The following ABCC1 variants were observed in gnomAD, a reference collection of about 807,000 sequenced individuals.
The protein encoded by ABCC1 is ATP binding cassette subfamily C member 1 (ABCC1 blood group).
A neutral mutation model predicts 172.9 loss-of-function variants in ABCC1; 83 were observed. That is an observed-to-expected ratio of 0.48 (90% CI 0.40 to 0.58). The LOEUF is 0.58. ABCC1 is among the 20% of genes least tolerant of loss of function. The pLI is 0.00. For missense variants in ABCC1, 1,817 were observed against 2,002.7 expected (o/e 0.91, Z 1.77); for synonymous variants, 937 against 825.2 (o/e 1.14, Z -2.32).
chr16:16,092,609 A>G (rs1295298481), intron 19 of ABCC1, among the ~76,000 whole-genome samples: 1 of 152,096 alleles, frequency 6.6e-6, no homozygotes, highest in Non-Finnish European at 1.5e-5. Flanking sequence ...TACTGTGTTG[A>G]TCTGTTCACT....
At chr16:15,989,856 TAGAC>T (rs1338859345) in intron 1 of ABCC1, among the ~76,000 whole-genome samples, 4 of 152,146 alleles carry the variant, frequency 2.6e-5, no homozygotes, top group African/African-American at 9.7e-5. Flanking sequence ...AGTCCGTGCT[TAGAC>T]AGGGCTCTGG....
rs41278168 is a variant in ABCC1, at chr16:16,124,784, C to T, written c.3591-5C>T. The T allele has an allele frequency of 1.6e-3, 2,593 of 1,613,990 alleles. 5 individuals are homozygous for T. Among genetic ancestry groups the T allele is most frequent in the Non-Finnish European group, 2.0e-3 (2,382 of 1,180,024 alleles). On this transcript the variant is annotated splice_polypyrimidine_tract_variant and splice_region_variant and intron_variant, in intron 24 of 30. Coordinates refer to ENST00000399410, the MANE Select transcript of ABCC1 (RefSeq NM_004996.4). Reference sequence around the variant, plus strand: ...CTGTTTGTCTGCCTGTGTGTCTTGGCGCAGGTGGCTGGCCGTGCGGCTGGA... The same window carrying T: ...CTGTTTGTCTGCCTGTGTGTCTTGGTGCAGGTGGCTGGCCGTGCGGCTGGA...
At chr16:15,987,873 T>G (rs1044638588) in intron 1 of ABCC1, among the ~76,000 whole-genome samples, 2 of 152,206 alleles carry the variant, frequency 1.3e-5, no homozygotes, top group Admixed American at 6.5e-5. Flanking sequence ...TCAGGACCTT[T>G]GCACTGGCTG....
At chr16:16,071,618 C>A (rs769928915) in intron 13 of ABCC1, 24 bp from the exon 14 acceptor site, 9 of 1,606,472 alleles carry the variant, frequency 5.6e-6, no homozygotes, top group Non-Finnish European at 7.7e-6. Flanking sequence ...AAATAACTCT[C>A]CCCTGCCATT....
intron 12 of ABCC1, among the ~76,000 whole-genome samples, chr16:16,059,423 A>G (rs2049810905): frequency 6.6e-6 from 1 of 152,164 alleles, no homozygotes; most frequent in Non-Finnish European, 1.5e-5. Flanking sequence ...GTGTTCCTGT[A>G]AAAAAGTATT....
At position 16,009,780 on chromosome 16, in the gene ABCC1, T is replaced by C; in HGVS notation, c.230T>C (p.Leu77Ser). The change falls in exon 3 of 31, where the codon TTG (leucine) becomes TCG (serine). Residue 77 changes from leucine to serine, a missense_variant. Coordinates refer to ENST00000399410, the MANE Select transcript of ABCC1 (RefSeq NM_004996.4). ...MTPLNKTKTA[L>S]GFLLWIVCWA... ...ATGTATGTGCTTCTCTTCCAGGCCT[T>C]GGGATTTTTGCTGTGGATCGTCTGC... is the stretch of plus-strand genomic sequence containing the variant. 6.2e-7 allele frequency: 1 copy of C among 1,605,290 alleles called. No homozygotes were observed. Among genetic ancestry groups the C allele is most frequent in the Non-Finnish European group, 8.5e-7 (1 of 1,176,212 alleles).
intron 5 of ABCC1, among the ~76,000 whole-genome samples, chr16:16,028,361 C>G (rs887249641): frequency 1.3e-5 from 2 of 152,106 alleles, no homozygotes; most frequent in Non-Finnish European, 2.9e-5. Context: ...TTTGCAGCTC[C>G]GTCCGCGGCA....
intron 22 of ABCC1, among the ~76,000 whole-genome samples, chr16:16,113,767 C>T (rs1370383621): frequency 6.6e-6 from 1 of 152,170 alleles, no homozygotes; most frequent in African/African-American, 2.4e-5. Flanking sequence ...AACAGCGATC[C>T]CTAGCCTTTT....
rs1392216286 is a variant in ABCC1 at position 16,083,545 on chromosome 16, C to G, written c.2292+3C>G. 1 of 1,610,370 alleles carries G rather than the reference C, an allele frequency of 6.2e-7. No homozygotes were observed. Among genetic ancestry groups the G allele is most frequent in the Non-Finnish European group, 8.5e-7 (1 of 1,177,560 alleles). On this transcript the variant is annotated splice_donor_region_variant and intron_variant, in intron 17 of 30. Coordinates refer to ENST00000399410, the MANE Select transcript of ABCC1 (RefSeq NM_004996.4). ...ATCGGACAGAGATTGGCGAGAAGGTCAGTATAGGTTGGATGTTGGCCCCTG... is the reference window on the plus strand; with the variant it reads ...ATCGGACAGAGATTGGCGAGAAGGTGAGTATAGGTTGGATGTTGGCCCCTG...
intron 18 of ABCC1, among the ~76,000 whole-genome samples, chr16:16,087,514 G>A (rs1324019581): frequency 6.6e-6 from 1 of 152,142 alleles, no homozygotes; most frequent in Non-Finnish European, 1.5e-5. Flanking sequence ...CTGGAGTGCA[G>A]TGGCATGATC....
intron 14 of ABCC1, among the ~76,000 whole-genome samples, chr16:16,074,718 A>G (rs1034219434): frequency 6.6e-6 from 1 of 152,178 alleles, no homozygotes; most frequent in Non-Finnish European, 1.5e-5. Context: ...TTCCTTAAAT[A>G]GCAACTCCCA....
chr16:16,043,156 C>A (rs1301738865), intron 7 of ABCC1, among the ~76,000 whole-genome samples: 1 of 150,842 alleles, frequency 6.6e-6, no homozygotes, highest in East Asian at 1.9e-4. Context: ...AACCACTGCA[C>A]CCAGTCAAAA....
chr16:16,096,919 A>G (rs1176341262), intron 19 of ABCC1, among the ~76,000 whole-genome samples: 2 of 276 alleles, frequency 7.2e-3, no homozygotes, highest in Non-Finnish European at 0.015. Flanking sequence ...GTTTGCTTTA[A>G]AAAAAAAAAG....
In ABCC1 at chr16:15,962,562, A is replaced by C. The variant is rs146667255; in HGVS notation, c.48+12763A>C. Among the ~76,000 whole-genome samples, 191 of 152,342 alleles carry C rather than the reference A, an allele frequency of 1.3e-3. 1 individual carries two copies. The highest frequency in any genetic ancestry group is 3.9e-3 in the African/African-American group (162 of 41,584). On this transcript the variant is annotated intron_variant, in intron 1 of 30. Transcript: ENST00000399410. ...AGGTTTAATTGACTCACAGTTCTGC[A>C]TGGCTGGGGAGGCCTCAGGAAACTT...
intron 1 of ABCC1, among the ~76,000 whole-genome samples, chr16:15,967,551 T>C (rs2046271685): frequency 6.6e-6 from 1 of 151,344 alleles, no homozygotes; most frequent in African/African-American, 2.4e-5. Context: ...GAGACCAGCC[T>C]GGGCAACAGA....
chr16:16,001,739 C>T (rs2047319228), intron 1 of ABCC1, among the ~76,000 whole-genome samples: 3 of 152,152 alleles, frequency 2.0e-5, no homozygotes, highest in South Asian at 4.1e-4. Context: ...TGGCAGAGGT[C>T]GGAAACTTGT....
At chr16:16,007,214 T>TGTG (rs1555480445) in intron 1 of ABCC1, among the ~76,000 whole-genome samples, 4 of 145,774 alleles carry the variant, frequency 2.7e-5, no homozygotes, top group Non-Finnish European at 6.0e-5. Context: ...GTATGCACTG[T>TGTG]TGTGTGTGTG....
chr16:16,008,021 G>A, intron 2 of ABCC1, 29 bp downstream of exon 2: 8 of 494,032 alleles, frequency 1.6e-5, no homozygotes, highest in Non-Finnish European at 2.2e-5. Flanking sequence ...TCGTTGTGGG[G>A]GGTGGGAAGG....
At position 15,977,425 on chromosome 16, in the gene ABCC1, A is replaced by C. The variant is rs181520352; in HGVS notation, c.48+27626A>C. On this transcript the variant is annotated intron_variant, in intron 1 of 30. Transcript: ENST00000399410. ...TTATTTATTTTTATTTTTAACAGAG[A>C]TGGGGTCTCACTGTGTTGCCGTCTG... Among the ~76,000 whole-genome samples, 998 of 152,068 alleles carry C rather than the reference A, an allele frequency of 6.6e-3. 7 individuals are homozygous for C. Among genetic ancestry groups the C allele is most frequent in the Non-Finnish European group, 8.7e-3 (594 of 67,974 alleles).
Sources: allele counts gnomAD v4.1 joint callset (sites outside exome capture counted in the v4.1 genomes callset), GRCh38; gene constraint gnomAD v4.1.1; transcripts MANE v1.5; gene names NCBI Gene and HGNC (gene_info 2026-07-23, HGNC 2026-07-21).